NR3C2: variants seen among roughly 807,000 people sequenced by gnomAD.
NR3C2 encodes nuclear receptor subfamily 3 group C member 2.
NR3C2 carries 15 observed loss-of-function variants against 86.4 expected under a neutral mutation model. The observed-to-expected ratio is 0.17, with a 90% CI of 0.12 to 0.27. The LOEUF (loss-of-function observed/expected upper bound fraction) is 0.27. Among genes scored for constraint, NR3C2 ranks in the 10% least tolerant of loss-of-function variants. NR3C2 has a pLI of 1.00. For missense variants in NR3C2, 960 were observed against 1,195.6 expected (o/e 0.80, Z 2.91); for synonymous variants, 458 against 450.5 (o/e 1.02, Z -0.21).
intron 3 of NR3C2, among the ~76,000 whole-genome samples, chr4:148,209,036 G>A (rs1737147690): frequency 6.6e-6 from 1 of 151,968 alleles, no homozygotes; most frequent in Admixed American, 6.6e-5. Flanking sequence ...TTAAAGTTAG[G>A]AGTTCAAGAC....
intron 2 of NR3C2, among the ~76,000 whole-genome samples, chr4:148,403,861 T>C (rs979033396): frequency 1.3e-5 from 2 of 152,096 alleles, no homozygotes; most frequent in Non-Finnish European, 2.9e-5. Context: ...ATTTATGTAC[T>C]TTCTATTTTA....
rs12498662 is a variant in NR3C2 at position 148,260,279 on chromosome 4, T to G, written c.1758-162A>C. Among the ~76,000 whole-genome samples, 30,145 of 152,196 alleles carry G rather than the reference T, an allele frequency of 0.2. 3,048 individuals are homozygous for G. Among genetic ancestry groups the G allele is most frequent in the Admixed American group, 0.27 (4,135 of 15,276 alleles). On this transcript the variant is annotated intron_variant, in intron 2 of 8. Coordinates refer to ENST00000358102, the MANE Select transcript of NR3C2 (RefSeq NM_000901.5). ...TTAGCAAAATAAAGGTAAAACCCGA[T>G]GAGTGGAGCAATGCTATCAAGGTTA...
At chr4:148,393,569 C>T (rs906971331) in intron 2 of NR3C2, among the ~76,000 whole-genome samples, 1 of 152,152 alleles carries the variant, frequency 6.6e-6, no homozygotes, top group Non-Finnish European at 1.5e-5. Flanking sequence ...AAGACACGCC[C>T]CACCTAAAGG....
intron 2 of NR3C2, among the ~76,000 whole-genome samples, chr4:148,326,583 CATTAT>C (rs1743982851): frequency 6.6e-6 from 1 of 151,924 alleles, no homozygotes. Flanking sequence ...TATTATTGCC[CATTAT>C]TTTATTGTTT....
intron 2 of NR3C2, among the ~76,000 whole-genome samples, chr4:148,263,276 C>G (rs1421363116): frequency 6.6e-6 from 1 of 152,202 alleles, no homozygotes; most frequent in Non-Finnish European, 1.5e-5. Context: ...CTTTCTTTCT[C>G]CAGATTTTGA....
At chr4:148,322,950 G>A (rs1432508058) in intron 2 of NR3C2, among the ~76,000 whole-genome samples, 2 of 146,856 alleles carry the variant, frequency 1.4e-5, no homozygotes, top group Admixed American at 7.0e-5. Context: ...AGGAGGAGAG[G>A]CGCTCTGCTG....
intron 2 of NR3C2, among the ~76,000 whole-genome samples, chr4:148,364,927 C>G (rs72729957): frequency 0.2 from 29,800 of 151,644 alleles, 3,233 homozygotes; most frequent in Non-Finnish European, 0.24. Context: ...ATACACAGAG[C>G]CTGAAGCTAA....
chr4:148,173,541 A>C (rs1735231856), intron 4 of NR3C2, among the ~76,000 whole-genome samples: 1 of 152,356 alleles, frequency 6.6e-6, no homozygotes, highest in Middle Eastern at 3.4e-3. Context: ...GAATTCTCTC[A>C]TAGAGCCTCC....
intron 2 of NR3C2, among the ~76,000 whole-genome samples, chr4:148,375,645 C>G (rs931673250): frequency 6.6e-6 from 1 of 152,040 alleles, no homozygotes; most frequent in African/African-American, 2.4e-5. Context: ...TTTTGCTCGT[C>G]TATTTTAATA....
intron 3 of NR3C2, among the ~76,000 whole-genome samples, chr4:148,238,141 G>A (rs750971530): frequency 1.1e-4 from 17 of 151,994 alleles, no homozygotes; most frequent in Middle Eastern, 6.8e-3. Flanking sequence ...AGGCATCCTC[G>A]CTTAAGAAGC....
chr4:148,231,878 C>T (rs1738480988), intron 3 of NR3C2, among the ~76,000 whole-genome samples: 1 of 152,110 alleles, frequency 6.6e-6, no homozygotes, highest in Admixed American at 6.6e-5. Flanking sequence ...GAGAAGATTC[C>T]ATTTCAAGAA....
intron 3 of NR3C2, among the ~76,000 whole-genome samples, chr4:148,197,993 G>A (rs939700240): frequency 1.3e-5 from 2 of 151,928 alleles, no homozygotes; most frequent in East Asian, 1.9e-4. Context: ...TGGGCATAAG[G>A]CAGCCATTCT....
At chr4:148,310,633 G>A (rs538145412) in intron 2 of NR3C2, among the ~76,000 whole-genome samples, 16 of 152,138 alleles carry the variant, frequency 1.1e-4, no homozygotes, top group Non-Finnish European at 1.6e-4. Flanking sequence ...AACTAATGTC[G>A]ACTCTTCGCC....
At chr4:148,215,072 C>T (rs72653885) in intron 3 of NR3C2, among the ~76,000 whole-genome samples, 6 of 152,114 alleles carry the variant, frequency 3.9e-5, no homozygotes, top group Admixed American at 1.3e-4. Context: ...TATTTCCCTC[C>T]GTGTTTGGAT....
rs1406065737 is a variant in NR3C2, at chr4:148,398,994, A to G, written c.1757+36110T>C. 7.2e-5 allele frequency among the ~76,000 whole-genome samples: 11 copies of G among 152,326 alleles called. No homozygotes were observed. In the East Asian group the frequency reaches 2.1e-3, roughly 29 times the overall value. The stretch of plus-strand genomic sequence containing the variant: ...AAGCAGTCATAAAAACACTGGAAGA[A>G]TATTTTAGGAAAAGTGAACAAGTGC... On this transcript the variant is annotated intron_variant, in intron 2 of 8. Transcript: ENST00000358102.
At chr4:148,159,484 G>C (rs1201811588) in intron 4 of NR3C2, among the ~76,000 whole-genome samples, 1 of 152,144 alleles carries the variant, frequency 6.6e-6, no homozygotes, top group Non-Finnish European at 1.5e-5. Context: ...GCTTTTACTT[G>C]TTTTCAGCAT....
intron 2 of NR3C2, among the ~76,000 whole-genome samples, chr4:148,397,871 T>G (rs975542379): frequency 6.6e-6 from 1 of 152,200 alleles, no homozygotes; most frequent in Non-Finnish European, 1.5e-5. Context: ...ATTTATTTAG[T>G]GGCTTAAGAC....
Position 148,436,354 on chromosome 4 carries a change from C to T in NR3C2, c.507G>A (p.Gly169=). The stretch of plus-strand genomic sequence containing the variant: ...GCATGACGCCACCATTCACGGAGCT[C>T]CCAGAGTCAGACATAAATGATCTCA... ...TPLRSFMSDS[G]SSVNGGVMRA... The change falls in exon 2 of 9, where the codon GGG becomes GGA. Residue 169 remains glycine, a synonymous_variant. Coordinates refer to ENST00000358102, the MANE Select transcript of NR3C2 (RefSeq NM_000901.5). 1 of 1,614,172 alleles carries T rather than the reference C, an allele frequency of 6.2e-7. No individual in the cohort carries two copies. Among genetic ancestry groups the T allele is most frequent in the Non-Finnish European group, 8.5e-7 (1 of 1,180,030 alleles).
chr4:148,405,613 C>T (rs1215723203), intron 2 of NR3C2, among the ~76,000 whole-genome samples: 3 of 152,204 alleles, frequency 2.0e-5, no homozygotes, highest in African/African-American at 2.4e-5. Flanking sequence ...TTTCCAGCCA[C>T]GTTTGAGTGC....
Sources: gnomAD v4.1 joint callset for allele counts (sites outside exome capture counted in the v4.1 genomes callset) on GRCh38, gnomAD v4.1.1 for gene constraint, MANE v1.5 for transcripts, NCBI Gene and HGNC (gene_info 2026-07-23, HGNC 2026-07-21) for gene names.